Variants in ELP3 observed in about 807,000 individuals in gnomAD.
ELP3 encodes elongator complex protein 3.
ELP3 carries 56 observed loss-of-function variants against 74.9 expected under a neutral mutation model. That is an observed-to-expected ratio of 0.75 (90% CI 0.60 to 0.93). ELP3 has a LOEUF of 0.93. ELP3 is among the 40% of genes least tolerant of loss of function. The pLI is 0.00. For missense variants in ELP3, 573 were observed against 686.5 expected (o/e 0.83, Z 1.85); for synonymous variants, 222 against 239.8 (o/e 0.93, Z 0.68).
rs190552727 is a variant in ELP3 at position 28,129,475 on chromosome 8, G to A, written c.618-27G>A. 2,592 of 1,613,200 alleles carry A rather than the reference G, an allele frequency of 1.6e-3. 26 individuals carry two copies. The highest frequency in any genetic ancestry group is 6.6e-3 in the South Asian group (602 of 91,036). ...AGTAATGTCTTAAAACCTGCAACAG[G>A]TTAATTATTTTAGATTTGCTCTACA... is the stretch of plus-strand genomic sequence containing the variant. On this transcript the variant is annotated intron_variant, in intron 7 of 14. Coordinates refer to ENST00000256398, the MANE Select transcript of ELP3 (RefSeq NM_018091.6).
intron 3 of ELP3, among the ~76,000 whole-genome samples, chr8:28,104,692 A>G (rs1311097034): frequency 6.6e-6 from 1 of 152,170 alleles, no homozygotes; most frequent in Non-Finnish European, 1.5e-5. Flanking sequence ...TGCCTCATAG[A>G]AGCAGCACTA....
At chr8:28,130,766 T>C (rs1216231046) in intron 8 of ELP3, among the ~76,000 whole-genome samples, 3 of 152,100 alleles carry the variant, frequency 2.0e-5, no homozygotes, top group Admixed American at 6.5e-5. Flanking sequence ...AAGAGGAAGA[T>C]TGAGGCAGAA....
chr8:28,160,282 G>A lies in ELP3; in HGVS notation c.1311G>A (p.Leu437=). The A allele has an allele frequency of 4.3e-6, 7 of 1,614,154 alleles. No individual in the cohort carries two copies. The highest frequency in any genetic ancestry group is 5.1e-6 in the Non-Finnish European group (6 of 1,180,022). ...CAAATGGTGGCTGGGAAACATTCTT[G>A]TCATACGAAGACCCAGATCAAGACA... The part of the protein sequence containing the change: ...YVANGGWETF[L]SYEDPDQDIL... Residue 437 remains leucine, a synonymous_variant, in exon 13 of 15, where the codon TTG becomes TTA. Transcript: ENST00000256398.
chr8:28,157,874 A>G (rs1409788159), intron 11 of ELP3, among the ~76,000 whole-genome samples: 2 of 152,164 alleles, frequency 1.3e-5, no homozygotes, highest in African/African-American at 4.8e-5. Context: ...TTGCATTGGC[A>G]TTGTCTGCAG....
chr8:28,111,233 CTTAAAG>C (rs1811904427), intron 6 of ELP3, among the ~76,000 whole-genome samples: 1 of 152,268 alleles, frequency 6.6e-6, no homozygotes, highest in African/African-American at 2.4e-5. Flanking sequence ...CCATTGTACA[CTTAAAG>C]TTAGTGGATT....
Position 28,181,657 on chromosome 8 carries a change from G to A in ELP3, c.1568-7992G>A, listed in dbSNP as rs78418951. 6.6e-5 allele frequency among the ~76,000 whole-genome samples: 10 copies of A among 152,346 alleles called. No homozygotes were observed. The East Asian group carries it at 1.9e-3, about 29-fold the overall frequency. ...GGGATGTGCTTTCCCACGAAGACTAGAGGTGCAAGACCAGAGTCAGGGGAG... is the reference window on the plus strand; with the variant it reads ...GGGATGTGCTTTCCCACGAAGACTAAAGGTGCAAGACCAGAGTCAGGGGAG... On this transcript the variant is annotated intron_variant, in intron 14 of 14. Coordinates refer to ENST00000256398, the MANE Select transcript of ELP3 (RefSeq NM_018091.6).
At chr8:28,090,485 G>GTGTA, upstream of ELP3, 1 of 165,322 alleles carries the variant, frequency 6.0e-6, no homozygotes, top group South Asian at 8.7e-5. Context: ...ATGGGTGGGT[G>GTGTA]TGTGTGTGTG....
chr8:28,098,088 A>G (rs962988342), intron 2 of ELP3, among the ~76,000 whole-genome samples: 4 of 151,316 alleles, frequency 2.6e-5, no homozygotes, highest in East Asian at 1.9e-4. Context: ...ATCTAATCCA[A>G]CCCTCCCCTG....
chr8:28,095,681 G>A (rs1811224242), intron 1 of ELP3, among the ~76,000 whole-genome samples: 1 of 152,194 alleles, frequency 6.6e-6, no homozygotes, highest in Non-Finnish European at 1.5e-5. Flanking sequence ...GAAAAGAGCT[G>A]GATTTGAGTC....
At chr8:28,107,341 C>T (rs1222913843) in intron 4 of ELP3, among the ~76,000 whole-genome samples, 2 of 152,154 alleles carry the variant, frequency 1.3e-5, no homozygotes, top group Non-Finnish European at 1.5e-5. Flanking sequence ...CAACAGTAGA[C>T]ATTGGGATAT....
chr8:28,106,518 C>T (rs1238924087), intron 3 of ELP3, among the ~76,000 whole-genome samples, 195 bp from the exon 4 acceptor site: 4 of 135,602 alleles, frequency 2.9e-5, no homozygotes, highest in Admixed American at 2.4e-4. Flanking sequence ...CCAGCCTGGG[C>T]GACAGAGCGA....
At chr8:28,130,104 A>G (rs538851213) in intron 8 of ELP3, among the ~76,000 whole-genome samples, 1 of 152,342 alleles carries the variant, frequency 6.6e-6, no homozygotes, top group African/African-American at 2.4e-5. Context: ...AAACTTTGAG[A>G]AATTTGGGAG....
At chr8:28,124,629 CTATTAA>C (rs763860305) in intron 7 of ELP3, among the ~76,000 whole-genome samples, 4 of 151,706 alleles carry the variant, frequency 2.6e-5, no homozygotes, top group Admixed American at 6.6e-5. Context: ...TTTTTCTTTT[CTATTAA>C]TAATGTGTTG....
In ELP3 at chr8:28,128,044, C is replaced by T. The variant is rs188813959; in HGVS notation, c.618-1458C>T. Among the ~76,000 whole-genome samples, 43 of 152,180 alleles carry T rather than the reference C, an allele frequency of 2.8e-4. No homozygotes were observed. The East Asian group carries it at 5.8e-3, about 21-fold the overall frequency. On this transcript the variant is annotated intron_variant, in intron 7 of 14. Coordinates refer to ENST00000256398, the MANE Select transcript of ELP3 (RefSeq NM_018091.6). ...CAGAAATTTTATGATTTTTACTTTTCAGTAAAGAACAATGAACTTCTTCAG... is the reference window on the plus strand; with the variant it reads ...CAGAAATTTTATGATTTTTACTTTTTAGTAAAGAACAATGAACTTCTTCAG...
chr8:28,110,608 G>A (rs768459219), intron 6 of ELP3, 170 bp downstream of exon 6: 1 of 573,520 alleles, frequency 1.7e-6, no homozygotes, highest in Non-Finnish European at 3.0e-6. Context: ...GCCTAGCAAG[G>A]TCAAAAACAC....
At chr8:28,128,433 G>A (rs923193548) in intron 7 of ELP3, among the ~76,000 whole-genome samples, 9 of 151,892 alleles carry the variant, frequency 5.9e-5, no homozygotes, top group African/African-American at 1.9e-4. Context: ...CCAAGATCGC[G>A]CCACTGTACT....
At chr8:28,104,026 G>A (rs118020165) in intron 3 of ELP3, among the ~76,000 whole-genome samples, 173 of 152,372 alleles carry the variant, frequency 1.1e-3, no homozygotes, top group Non-Finnish European at 1.9e-3. Flanking sequence ...ATGGTGCCCA[G>A]CCAGTGTTTT....
intron 3 of ELP3, among the ~76,000 whole-genome samples, chr8:28,102,160 A>G (rs1388356847): frequency 2.0e-5 from 3 of 152,184 alleles, no homozygotes; most frequent in African/African-American, 4.8e-5. Flanking sequence ...GTATTGATGT[A>G]TGCTGACTCC....
chr8:28,116,273 G>A (rs922820428), intron 7 of ELP3, among the ~76,000 whole-genome samples: 15 of 152,286 alleles, frequency 9.8e-5, no homozygotes, highest in African/African-American at 3.4e-4. Context: ...GAAAGGTTTG[G>A]CAGCTGGGAG....
Sources: gnomAD v4.1 joint callset for allele counts (sites outside exome capture counted in the v4.1 genomes callset) on GRCh38, gnomAD v4.1.1 for gene constraint, MANE v1.5 for transcripts, NCBI Gene and HGNC (gene_info 2026-07-23, HGNC 2026-07-21) for gene names.